MYLK4: variants seen among roughly 807,000 people sequenced by gnomAD.
MYLK4 encodes myosin light chain kinase family member 4.
A neutral mutation model predicts 48.1 loss-of-function variants in MYLK4; 46 were observed. The observed-to-expected ratio is 0.96, with a 90% CI of 0.75 to 1.22. MYLK4 has a LOEUF of 1.22. Among genes scored for constraint, MYLK4 ranks in the 50% most tolerant of loss-of-function variants. The probability of loss-of-function intolerance (pLI) is 0.00; values close to 1 mark genes in which losing one functional copy is unlikely to be tolerated. For missense variants in MYLK4, 451 were observed against 486.1 expected (o/e 0.93, Z 0.68); for synonymous variants, 170 against 180.8 (o/e 0.94, Z 0.48).
the MYLK4 span, among the ~76,000 whole-genome samples, chr6:2,767,699 A>C: frequency 2.6e-5 from 4 of 152,242 alleles, no homozygotes; most frequent in African/African-American, 9.6e-5. Flanking sequence ...AGAATGGATA[A>C]TCAGCTGTTG....
intron 2 of MYLK4, among the ~76,000 whole-genome samples, chr6:2,727,342 A>G (rs1763313002): frequency 6.6e-6 from 1 of 152,216 alleles, no homozygotes; most frequent in Non-Finnish European, 1.5e-5. Context: ...TCAGCCTTAA[A>G]TGGAAGTTGG....
the MYLK4 span, among the ~76,000 whole-genome samples, chr6:2,767,459 A>AC: frequency 6.6e-6 from 1 of 152,300 alleles, no homozygotes; most frequent in South Asian, 2.1e-4. Context: ...CAACTTAAGC[A>AC]CACCCCCTTT....
chr6:2,739,479 C>G (rs1763814610), intron 2 of MYLK4, among the ~76,000 whole-genome samples: 1 of 152,188 alleles, frequency 6.6e-6, no homozygotes. Context: ...TGAGTTACAA[C>G]CTGTGGGTCA....
At chr6:2,707,212 T>C (rs1762524226) in intron 2 of MYLK4, among the ~76,000 whole-genome samples, 1 of 152,214 alleles carries the variant, frequency 6.6e-6, no homozygotes, top group Non-Finnish European at 1.5e-5. Flanking sequence ...TAAAAAAAAC[T>C]GCTTTAAGAA....
At chr6:2,768,804 T>C in the MYLK4 span, 2 of 1,613,868 alleles carry the variant, frequency 1.2e-6, no homozygotes, top group Non-Finnish European at 8.5e-7. Context: ...TAAAACAAGC[T>C]CAAAATGAAA....
intron 2 of MYLK4, among the ~76,000 whole-genome samples, chr6:2,745,744 T>C (rs1035352600): frequency 1.3e-5 from 2 of 151,384 alleles, no homozygotes; most frequent in Non-Finnish European, 2.9e-5. Flanking sequence ...GAGCAACACA[T>C]GGAGACCCCT....
chr6:2,728,329 G>A (rs924645400), intron 2 of MYLK4, among the ~76,000 whole-genome samples: 2 of 152,148 alleles, frequency 1.3e-5, no homozygotes, highest in Admixed American at 6.5e-5. Flanking sequence ...CAGAATGAGA[G>A]GGGTCTGAGT....
At chr6:2,760,845 G>A in the MYLK4 span, among the ~76,000 whole-genome samples, 4 of 152,288 alleles carry the variant, frequency 2.6e-5, no homozygotes, top group African/African-American at 7.2e-5. Flanking sequence ...TAAACAATAC[G>A]AAATGTGGCA....
the MYLK4 span, chr6:2,765,600 C>T: frequency 2.7e-6 from 4 of 1,489,078 alleles, no homozygotes; most frequent in Admixed American, 2.2e-5. Context: ...CCGCGCCGGG[C>T]GCCGGGGAGG....
chr6:2,707,647 G>A (rs1487455811), intron 2 of MYLK4, among the ~76,000 whole-genome samples: 4 of 152,116 alleles, frequency 2.6e-5, no homozygotes, highest in African/African-American at 7.2e-5. Flanking sequence ...TTATGAATTC[G>A]ACTTTCAGTT....
intron 2 of MYLK4, chr6:2,744,203 C>T (rs564620291): frequency 1.9e-4 from 76 of 394,620 alleles, no homozygotes; most frequent in South Asian, 4.3e-4. Context: ...TCTCCAGTTA[C>T]GTGATCAGCA....
At chr6:2,680,313 T>C in intron 7 of MYLK4, 22 bp from the exon 8 acceptor site, 1 of 1,613,426 alleles carries the variant, frequency 6.2e-7, no homozygotes, top group African/African-American at 1.3e-5. Context: ...AAGAGACACA[T>C]TAGCAATGAA....
intron 2 of MYLK4, among the ~76,000 whole-genome samples, chr6:2,693,061 G>A (rs1351366664): frequency 1.3e-5 from 2 of 152,040 alleles, no homozygotes; most frequent in Non-Finnish European, 2.9e-5. Context: ...GGTCTCCAGA[G>A]ATCTATAAAT....
At chr6:2,731,379 AG>A (rs1195609071) in intron 2 of MYLK4, among the ~76,000 whole-genome samples, 21 of 152,294 alleles carry the variant, frequency 1.4e-4, no homozygotes, top group African/African-American at 5.1e-4. Context: ...GACTCTAGGT[AG>A]GCAGGTCTGA....
At chr6:2,762,814 G>C in the MYLK4 span, among the ~76,000 whole-genome samples, 2 of 152,208 alleles carry the variant, frequency 1.3e-5, no homozygotes, top group African/African-American at 2.4e-5. Context: ...GAGACCGTTA[G>C]AGGTCTTAGG....
At chr6:2,760,773 A>C in the MYLK4 span, among the ~76,000 whole-genome samples, 1 of 152,244 alleles carries the variant, frequency 6.6e-6, no homozygotes, top group Non-Finnish European at 1.5e-5. Flanking sequence ...GGGCAGTAAG[A>C]AAATAGAGTA....
chr6:2,725,303 T>G (rs185939077), intron 2 of MYLK4, among the ~76,000 whole-genome samples: 60 of 152,084 alleles, frequency 3.9e-4, no homozygotes, highest in Non-Finnish European at 6.5e-4. Flanking sequence ...ACAAAAAGAA[T>G]TAAAACAATT....
At chr6:2,753,310 A>T (rs776844376), upstream of MYLK4, among the ~76,000 whole-genome samples, 3 of 152,232 alleles carry the variant, frequency 2.0e-5, no homozygotes, top group Non-Finnish European at 4.4e-5. Context: ...GCTGGATTAC[A>T]CTAAGAGTTT....
intron 2 of MYLK4, among the ~76,000 whole-genome samples, chr6:2,731,792 A>T (rs766028934): frequency 6.6e-6 from 1 of 152,234 alleles, no homozygotes; most frequent in Non-Finnish European, 1.5e-5. Flanking sequence ...CTGTGAGTCC[A>T]GTTTTATATG....
Sources: gnomAD v4.1 joint callset for allele counts (sites outside exome capture counted in the v4.1 genomes callset) on GRCh38, gnomAD v4.1.1 for gene constraint, MANE v1.5 for transcripts, NCBI Gene and HGNC (gene_info 2026-07-23, HGNC 2026-07-21) for gene names.